The following TMEM161B variants were observed in gnomAD, a reference collection of about 807,000 sequenced individuals.
TMEM161B encodes the protein transmembrane protein 161B.
Under a neutral mutation model 61.8 loss-of-function variants are expected in TMEM161B, and 34 were observed. The ratio of observed to expected loss-of-function variants is 0.55; its 90% confidence interval spans 0.42 to 0.73. The LOEUF is 0.73. Ranked by LOEUF, TMEM161B falls within the 30% of genes least tolerant of loss-of-function variation. The probability of loss-of-function intolerance (pLI) is 0.00; values close to 1 mark genes in which losing one functional copy is unlikely to be tolerated. For synonymous variants in TMEM161B, 167 were observed against 192.8 expected, an observed-to-expected ratio of 0.87 and a Z score of 1.11; for missense variants, 456 against 558.5, an observed-to-expected ratio of 0.82 and a Z score of 1.85.
At chr5:88,225,107 A>G (rs181824318) in intron 4 of TMEM161B, among the ~76,000 whole-genome samples, 69 of 151,806 alleles carry the variant, frequency 4.5e-4, no homozygotes, top group African/African-American at 1.6e-3. Context: ...AGCTGGGACT[A>G]CAGGCGCCTG....
intron 5 of TMEM161B, among the ~76,000 whole-genome samples, chr5:88,215,718 G>A (rs1747711406): frequency 6.6e-6 from 1 of 152,178 alleles, no homozygotes; most frequent in Non-Finnish European, 1.5e-5. Context: ...ACGAAGCAAA[G>A]TCAGTTCAGT....
At chr5:88,202,410 T>G in intron 9 of TMEM161B, 1 of 180,980 alleles carries the variant, frequency 5.5e-6, no homozygotes. Context: ...GGTACGATGA[T>G]GTTATTGTTA....
At chr5:88,192,018 A>G (rs1194047775), downstream of TMEM161B, among the ~76,000 whole-genome samples, 7 of 81,386 alleles carry the variant, frequency 8.6e-5, no homozygotes, top group East Asian at 4.1e-4. Context: ...ATATATATAT[A>G]TATATATATG....
intron 1 of TMEM161B, among the ~76,000 whole-genome samples, chr5:88,264,048 T>A (rs1215819766): frequency 1.3e-5 from 2 of 152,104 alleles, no homozygotes; most frequent in African/African-American, 2.4e-5. Flanking sequence ...CAAAAGGACC[T>A]CCAGTATCTC....
At chr5:88,250,766 G>A (rs576193506) in intron 1 of TMEM161B, 2 of 152,278 alleles carry the variant, frequency 1.3e-5, no homozygotes, top group African/African-American at 2.4e-5. Context: ...CCCTCAGTTC[G>A]AGACAAATAA....
intron 4 of TMEM161B, chr5:88,221,818 C>T (rs549574182): frequency 4.4e-6 from 2 of 450,076 alleles, no homozygotes; most frequent in Admixed American, 2.4e-5. Flanking sequence ...TCTTATGGCA[C>T]ATAATAAAAT....
intron 10 of TMEM161B, chr5:88,198,009 GA>G: frequency 3.1e-6 from 1 of 326,566 alleles, no homozygotes; most frequent in South Asian, 6.8e-5. Flanking sequence ...ATTCTTAAAT[GA>G]TGTATATATA....
chr5:88,212,811 A>G, intron 5 of TMEM161B, among the ~76,000 whole-genome samples: 1 of 152,224 alleles, frequency 6.6e-6, no homozygotes, highest in Non-Finnish European at 1.5e-5. Context: ...TGGGCGATGG[A>G]GCGAGATTAT....
At chr5:88,211,572 CA>C (rs1425094451) in intron 5 of TMEM161B, among the ~76,000 whole-genome samples, 2 of 151,840 alleles carry the variant, frequency 1.3e-5, no homozygotes, top group African/African-American at 4.8e-5. Flanking sequence ...CCAGCCTGGC[CA>C]ACATGGCGAA....
intron 1 of TMEM161B, among the ~76,000 whole-genome samples, chr5:88,253,511 C>A (rs569668175): frequency 6.6e-6 from 1 of 152,098 alleles, no homozygotes; most frequent in African/African-American, 2.4e-5. Flanking sequence ...TATACCTACC[C>A]GTACAAAGAC....
chr5:88,264,534 A>C (rs1685739728), intron 1 of TMEM161B, among the ~76,000 whole-genome samples: 1 of 152,346 alleles, frequency 6.6e-6, no homozygotes, highest in Non-Finnish European at 1.5e-5. Context: ...GTGATTCCTC[A>C]AGGATCTAGA....
At chr5:88,204,548 A>G (rs947102833) in intron 8 of TMEM161B, among the ~76,000 whole-genome samples, 1 of 152,188 alleles carries the variant, frequency 6.6e-6, no homozygotes, top group African/African-American at 2.4e-5. Flanking sequence ...ATCAAGGAGC[A>G]GCCCACAGCG....
chr5:88,220,743 AAAAAAAAAGGTCAAAAAAAACAG>A, intron 4 of TMEM161B, 24 bp from the exon 5 acceptor site: 1 of 1,519,974 alleles, frequency 6.6e-7, no homozygotes, highest in Non-Finnish European at 8.8e-7. Flanking sequence ...AAAAAAAAAA[AAAAAAAAAGGTCAAAAAAAACAG>A]TTTCACTTAC....
At chr5:88,217,568 CGGTGGGCGAGGGGGT>C in intron 5 of TMEM161B, among the ~76,000 whole-genome samples, 1 of 73,734 alleles carries the variant, frequency 1.4e-5, no homozygotes, top group Non-Finnish European at 2.5e-5. Context: ...GTGGCGGCAG[CGGTGGGCGAGGGGGT>C]GGTGGGGGGT....
intron 1 of TMEM161B, among the ~76,000 whole-genome samples, chr5:88,243,665 C>T (rs774745132): frequency 5.3e-5 from 8 of 151,804 alleles, no homozygotes; most frequent in Non-Finnish European, 7.4e-5. Flanking sequence ...TTTGAGAAGT[C>T]GCCAAACTGC....
chr5:88,236,348 C>G (rs191061021), intron 2 of TMEM161B, among the ~76,000 whole-genome samples: 34 of 152,178 alleles, frequency 2.2e-4, no homozygotes, highest in African/African-American at 7.7e-4. Context: ...GAAGCTATCA[C>G]AGAGAAAAAG....
At chr5:88,206,251 TAC>T (rs1745437856) in intron 7 of TMEM161B, among the ~76,000 whole-genome samples, 186 bp downstream of exon 7, 1 of 152,048 alleles carries the variant, frequency 6.6e-6, no homozygotes, top group Non-Finnish European at 1.5e-5. Context: ...AATGCAAATT[TAC>T]ATAAGAATTC....
intron 1 of TMEM161B, among the ~76,000 whole-genome samples, chr5:88,255,304 A>T (rs1010237647): frequency 5.3e-5 from 8 of 152,184 alleles, no homozygotes; most frequent in African/African-American, 1.7e-4. Flanking sequence ...CTTCCCATAG[A>T]GCATCTCTGG....
At chr5:88,224,042 TG>T (rs1285300362) in intron 4 of TMEM161B, among the ~76,000 whole-genome samples, 2 of 152,234 alleles carry the variant, frequency 1.3e-5, no homozygotes, top group Non-Finnish European at 2.9e-5. Flanking sequence ...GAAGCCACTT[TG>T]TATCACAAAA....
Sources: gnomAD v4.1 joint callset for allele counts (sites outside exome capture counted in the v4.1 genomes callset) on GRCh38, gnomAD v4.1.1 for gene constraint, MANE v1.5 for transcripts, NCBI Gene and HGNC (gene_info 2026-07-23, HGNC 2026-07-21) for gene names.